TSBP1: variants seen among roughly 807,000 people sequenced by gnomAD.
The protein encoded by TSBP1 is testis-expressed basic protein 1.
In TSBP1, 56 loss-of-function variants were observed where a neutral mutation model predicts 68.8. That is an observed-to-expected ratio of 0.81 (90% confidence interval 0.66 to 1.02). TSBP1 has a LOEUF of 1.02. Among genes scored for constraint, TSBP1 ranks in the 50% least tolerant of loss-of-function variants. The pLI is 0.00. For synonymous variants in TSBP1, 171 were observed against 208.7 expected, an observed-to-expected ratio of 0.82 and a Z score of 1.56; for missense variants, 502 against 641.2, an observed-to-expected ratio of 0.78 and a Z score of 2.34.
chr6:32,362,214 G>GT (rs1358231792), intron 6 of TSBP1, among the ~76,000 whole-genome samples: 1 of 149,530 alleles, frequency 6.7e-6, no homozygotes. Context: ...GCGTGAACCC[G>GT]GGAGGCAGAG....
intron 1 of TSBP1, 49 bp from the exon 2 acceptor site, chr6:32,370,032 T>A: frequency 8.1e-7 from 1 of 1,234,050 alleles, no homozygotes; most frequent in Non-Finnish European, 1.2e-6. Context: ...ACCAGGAAAT[T>A]ACCAGAAACA....
chr6:32,353,418 A>T (rs1203889191), intron 8 of TSBP1, among the ~76,000 whole-genome samples: 2 of 152,022 alleles, frequency 1.3e-5, no homozygotes, highest in Non-Finnish European at 2.9e-5. Context: ...AGAAAATTAT[A>T]TTACATTATT....
At position 32,335,776 on chromosome 6, in the gene TSBP1, G is replaced by A; in HGVS notation, c.451+136C>T. Reference sequence around the variant, plus strand: ...CTAATCATGACTTACTGAAATGCTAGGTTGAAGAAAAATAAGGGTTGAAGA... The same window carrying A: ...CTAATCATGACTTACTGAAATGCTAAGTTGAAGAAAAATAAGGGTTGAAGA... On this transcript the variant is annotated intron_variant, in intron 13 of 22. Coordinates refer to ENST00000612031, the Ensembl canonical transcript of TSBP1. The surrounding 1 kb of genome is among the most constrained non-coding windows in gnomAD (Gnocchi z 5.5). The A allele has an allele frequency of 1.4e-6, 1 of 708,320 alleles. No individual in the cohort carries two copies. Among genetic ancestry groups the A allele is most frequent in the South Asian group, 1.8e-5 (1 of 56,544 alleles). The allele number at this position is 708,320 out of a possible 1,614,324, so 43.9% of individuals were successfully genotyped here. A position where few individuals can be genotyped will look rare whatever the true frequency, so the allele number is the denominator to read the frequency against.
In TSBP1 at chr6:32,306,956, C is replaced by A. The variant is rs1245342035; in HGVS notation, c.581-4327G>T. 6.6e-6 allele frequency among the ~76,000 whole-genome samples: 1 copy of A among 152,072 alleles called. No individual in the cohort carries two copies. Among genetic ancestry groups the A allele is most frequent in the African/African-American group, 2.4e-5 (1 of 41,398 alleles). On this transcript the variant is annotated intron_variant, in intron 19 of 22. Coordinates refer to ENST00000612031, the Ensembl canonical transcript of TSBP1. This position sits in a 1 kb window ranked among gnomAD's most constrained non-coding sequence, Gnocchi z 5.1. ...ATTTTGAGGAAATTTTGCTTTCTCT[C>A]CACATTTCTATTTTGTTCCTTGTAT...
intron 8 of TSBP1, among the ~76,000 whole-genome samples, chr6:32,353,660 G>A (rs1771953827): frequency 6.6e-6 from 1 of 151,880 alleles, no homozygotes; most frequent in Non-Finnish European, 1.5e-5. Flanking sequence ...ATGTTATAAA[G>A]TTTTAGTAGT....
intron 9 of TSBP1, among the ~76,000 whole-genome samples, chr6:32,348,647 C>G (rs1000659344): frequency 6.6e-6 from 1 of 152,090 alleles, no homozygotes; most frequent in Non-Finnish European, 1.5e-5. Context: ...GTTGGACAAC[C>G]TCAGGACTTG....
chr6:32,367,481 T>G (rs1773886627), intron 4 of TSBP1, among the ~76,000 whole-genome samples: 1 of 152,226 alleles, frequency 6.6e-6, no homozygotes, highest in Admixed American at 6.5e-5. Context: ...AGCTCCCTCC[T>G]CAGCTAGGTG....
rs1179912862 is a variant in TSBP1 at position 32,365,525 on chromosome 6, C to G, written c.217+642G>C. Reference sequence around the variant, plus strand: ...GTTCTGCAGTCTCTTTTCCCTGCTCCCAGCCTCTCCTAACCATTCAACTAT... The same window carrying G: ...GTTCTGCAGTCTCTTTTCCCTGCTCGCAGCCTCTCCTAACCATTCAACTAT... On this transcript the variant is annotated intron_variant, in intron 6 of 22. Transcript: ENST00000612031. This position sits in a 1 kb window ranked among gnomAD's most constrained non-coding sequence, Gnocchi z 4.3. 1.1e-5 allele frequency: 5 copies of G among 456,588 alleles called. No homozygotes were observed. Among genetic ancestry groups the G allele is most frequent in the Non-Finnish European group, 2.2e-5 (5 of 226,906 alleles). The allele number at this position is 456,588 out of a possible 1,614,324, so 28.3% of individuals were successfully genotyped here.
At position 32,314,526 on chromosome 6, in the gene TSBP1, A is replaced by G. The variant is rs1766748758; in HGVS notation, c.580+1246T>C. On this transcript the variant is annotated intron_variant, in intron 19 of 22. Transcript: ENST00000612031. This position sits in a 1 kb window ranked among gnomAD's most constrained non-coding sequence, Gnocchi z 4.2. ...TCTCAACCACTGAGTATGTATTTTCATCTGTGCAGTGAGAATACTTAGCTG... is the reference window on the plus strand; with the variant it reads ...TCTCAACCACTGAGTATGTATTTTCGTCTGTGCAGTGAGAATACTTAGCTG... Among the ~76,000 whole-genome samples, 1 of 152,172 alleles carries G rather than the reference A, an allele frequency of 6.6e-6. No individual in the cohort carries two copies. The highest frequency in any genetic ancestry group is 1.5e-5 in the Non-Finnish European group (1 of 68,040).
chr6:32,326,925 G>A (rs1562112488), intron 16 of TSBP1, among the ~76,000 whole-genome samples: 1 of 152,192 alleles, frequency 6.6e-6, no homozygotes, highest in Non-Finnish European at 1.5e-5. Flanking sequence ...GTTACTGCTG[G>A]AAATCCTGCA....
chr6:32,320,382 G>C (rs543489187), intron 18 of TSBP1, among the ~76,000 whole-genome samples: 34 of 152,262 alleles, frequency 2.2e-4, no homozygotes, highest in African/African-American at 7.7e-4. Flanking sequence ...TTTGGCTTCT[G>C]TGCATGGGGA....
At position 32,339,403 on chromosome 6, in the gene TSBP1, C is replaced by A. The variant is rs1770066280; in HGVS notation, c.388+197G>T. 3 of 680,810 alleles carry A rather than the reference C, an allele frequency of 4.4e-6. No individual in the cohort carries two copies. The South Asian group carries it at 4.5e-5, about 10-fold the overall frequency. The allele number at this position is 680,810 out of a possible 1,614,324, so 42.2% of individuals were successfully genotyped here. On this transcript the variant is annotated intron_variant, in intron 10 of 22. Coordinates refer to ENST00000612031, the Ensembl canonical transcript of TSBP1. Reference sequence around the variant, plus strand: ...GGTAAAAGAGAGAACAGTAAAATTGCAAGTTTTTCTCCTTTCCTCCATCTT... The same window carrying A: ...GGTAAAAGAGAGAACAGTAAAATTGAAAGTTTTTCTCCTTTCCTCCATCTT...
chr6:32,339,391 AC>A (rs1016778616), intron 10 of TSBP1: 2 of 668,838 alleles, frequency 3.0e-6, no homozygotes, highest in African/African-American at 3.5e-5. Flanking sequence ...AAAAGAGAGA[AC>A]AGTAAAATTG....
At chr6:32,371,595 A>T (rs1774431165) in intron 1 of TSBP1, 99 bp downstream of exon 1, 1 of 854,434 alleles carries the variant, frequency 1.2e-6, no homozygotes, top group Non-Finnish European at 2.0e-6. Context: ...GAAGCAGGCA[A>T]GGAAGATAAA....
At chr6:32,303,287 TTC>T (rs1052480755) in intron 19 of TSBP1, among the ~76,000 whole-genome samples, 8 of 151,480 alleles carry the variant, frequency 5.3e-5, no homozygotes, top group African/African-American at 1.9e-4. Context: ...TTGTGGGTTT[TTC>T]TGTTTCTCTT....
chr6:32,368,365 C>A (rs1774002360), intron 3 of TSBP1, among the ~76,000 whole-genome samples: 1 of 152,120 alleles, frequency 6.6e-6, no homozygotes, highest in African/African-American at 2.4e-5. Context: ...TCATAATTAC[C>A]CTAACTGTGT....
rs55944243 is a variant in TSBP1 at position 32,306,182 on chromosome 6, A to G, written c.581-3553T>C. Among the ~76,000 whole-genome samples, 3,971 of 152,292 alleles carry G rather than the reference A, an allele frequency of 0.026. 124 individuals are homozygous for G. Among genetic ancestry groups the G allele is most frequent in the East Asian group, 0.15 (780 of 5,178 alleles). On this transcript the variant is annotated intron_variant, in intron 19 of 22. Coordinates refer to ENST00000612031, the Ensembl canonical transcript of TSBP1. This position sits in a 1 kb window ranked among gnomAD's most constrained non-coding sequence, Gnocchi z 5.1. Reference sequence around the variant, plus strand: ...AAGATAAAATGCAAAAACAGCAATCATGGAATTTTTGAAACTAACTGTACG... The same window carrying G: ...AAGATAAAATGCAAAAACAGCAATCGTGGAATTTTTGAAACTAACTGTACG...
intron 9 of TSBP1, among the ~76,000 whole-genome samples, chr6:32,346,011 T>TCC (rs1268210715): frequency 4.1e-5 from 2 of 48,520 alleles, no homozygotes; most frequent in African/African-American, 6.9e-5. Context: ...TCATTTTTTT[T>TCC]TTTTTTTTTT....
intron 6 of TSBP1, among the ~76,000 whole-genome samples, chr6:32,358,641 AC>A (rs1403395653): frequency 1.3e-5 from 2 of 150,674 alleles, no homozygotes; most frequent in African/African-American, 2.4e-5. Context: ...TTCAATTCCC[AC>A]CTGTGAGTGA....
Sources: gnomAD v4.1 joint callset for allele counts (sites outside exome capture counted in the v4.1 genomes callset) on GRCh38, gnomAD v4.1.1 for gene constraint, Gnocchi (gnomAD v3.1) non-coding constraint, MANE v1.5 for transcripts, NCBI Gene and HGNC (gene_info 2026-07-23, HGNC 2026-07-21) for gene names.